DUSP8: variants seen among roughly 807,000 people sequenced by gnomAD.
DUSP8 encodes the protein dual specificity protein phosphatase 8.
A neutral mutation model predicts 38.7 loss-of-function variants in DUSP8; 15 were observed. The observed-to-expected ratio is 0.39, with a 90% CI of 0.26 to 0.60. DUSP8 has a LOEUF of 0.60. Ranked by LOEUF, DUSP8 falls within the 20% of genes least tolerant of loss-of-function variation. The pLI, the probability that DUSP8 is intolerant of heterozygous loss-of-function variation, is 0.56. For synonymous variants in DUSP8, 458 were observed against 433.9 expected (o/e 1.06, Z -0.69); for missense variants, 768 against 915.0 (o/e 0.84, Z 2.07).
rs761093765 is a variant in DUSP8 at position 1,559,813 on chromosome 11, G to A, written c.371-758C>T. On this transcript the variant is annotated intron_variant, in intron 3 of 6. Transcript: ENST00000397374. ...CTGCCTTCCACACACGTCCAAGTCC[G>A]AGGCCACAGGCTGGTGGGAGGAAGT... Among the ~76,000 whole-genome samples, 5 of 152,314 alleles carry A rather than the reference G, an allele frequency of 3.3e-5. No homozygotes were observed. In the East Asian group the frequency reaches 7.7e-4, roughly 24 times the overall value.
rs766390780 is a variant in DUSP8, at chr11:1,556,593, C to T, written c.1803G>A (p.Ala601=). ...EFEEGMVEGR[A]RGEELAALGK... is the part of the protein sequence containing the mutation. ...CCAGGGCGGCCAGCTCCTCGCCGCG[C>T]GCGCGCCCCTCCACCATGCCCTCCT... is the stretch of plus-strand genomic sequence containing the variant. Residue 601 remains alanine (A), a synonymous_variant, in exon 7 of 7, where the codon GCG becomes GCA. Coordinates refer to ENST00000397374, the MANE Select transcript of DUSP8 (RefSeq NM_004420.3). The surrounding 1 kb of genome is among the most constrained non-coding windows in gnomAD (Gnocchi z 5.2). 39 of 1,435,850 alleles carry T rather than the reference C, an allele frequency of 2.7e-5. 1 individual carries two copies. The highest frequency in any genetic ancestry group is 2.5e-4 in the Middle Eastern group (1 of 3,970). 88.9% of individuals were successfully genotyped at this position (1,435,850 alleles called of 1,614,324 possible).
In DUSP8 at chr11:1,557,106, C is replaced by T. The variant is rs1275785634; in HGVS notation, c.1290G>A (p.Gly430=). ...PKLCKLDSPS[G]AALGLSSPSP... ...TGGGCGAGGACAGGCCCAGCGCGGC[C>T]CCCGACGGGCTGTCCAGCTTGCAGA... The change falls in exon 7 of 7, where the codon GGG becomes GGA. Residue 430 remains glycine, a synonymous_variant. Transcript: ENST00000397374. This position sits in a 1 kb window ranked among gnomAD's most constrained non-coding sequence, Gnocchi z 9.9. 36 of 1,370,000 alleles carry T rather than the reference C, an allele frequency of 2.6e-5. No individual in the cohort carries two copies. Among genetic ancestry groups the T allele is most frequent in the Non-Finnish European group, 3.1e-5 (33 of 1,070,364 alleles). The allele number at this position is 1,370,000 out of a possible 1,614,324, so 84.9% of individuals were successfully genotyped here. A position where few individuals can be genotyped will look rare whatever the true frequency, so the allele number is the denominator to read the frequency against.
intron 1 of DUSP8, among the ~76,000 whole-genome samples, chr11:1,566,693 T>A (rs542722751): frequency 3.3e-5 from 5 of 152,246 alleles, no homozygotes; most frequent in African/African-American, 1.2e-4. Flanking sequence ...GCCTCTCCCC[T>A]AGCGGAGCCT....
intron 3 of DUSP8, among the ~76,000 whole-genome samples, chr11:1,563,567 T>G (rs1461001750): frequency 1.3e-5 from 2 of 152,106 alleles, no homozygotes; most frequent in African/African-American, 4.8e-5. Flanking sequence ...GCCTCCGGCT[T>G]CTGACAGGAG....
At position 1,555,291 on chromosome 11, in the gene DUSP8, G is replaced by A. The variant is rs1480516130; in HGVS notation, c.*1227C>T. ...GTGAATGGGAGTTTCTCTCCTGAGC[G>A]GCCCCATGGGGGTGGGGGCAAACGA... On this transcript the variant is annotated 3_prime_UTR_variant, in exon 7 of 7. Coordinates refer to ENST00000397374, the MANE Select transcript of DUSP8 (RefSeq NM_004420.3). 1.1e-5 allele frequency: 11 copies of A among 987,698 alleles called. No individual in the cohort carries two copies. In the Admixed American group the frequency reaches 2.5e-4, roughly 22 times the overall value. The allele number at this position is 987,698 out of a possible 1,614,324, so 61.2% of individuals were successfully genotyped here.
Position 1,557,239 on chromosome 11 carries a change from T to G in DUSP8, c.1157A>C (p.Asp386Ala). 6.7e-7 allele frequency: 1 copy of G among 1,495,266 alleles called. No homozygotes were observed. Among genetic ancestry groups the G allele is most frequent in the South Asian group, 1.3e-5 (1 of 79,848 alleles). The allele number at this position is 1,495,266 out of a possible 1,614,324, so 92.6% of individuals were successfully genotyped here. Residue 386 changes from aspartate to alanine, a missense_variant, in exon 7 of 7, where the codon GAC (aspartate) becomes GCC (alanine). Physicochemically the swap from Asp to Ala is moderately radical, Grantham distance 126. Around this residue, in one of 3 missense-constraint regions of DUSP8, gnomAD observed 474 missense variants for 430.8 expected, o/e 1.10. Coordinates refer to ENST00000397374, the MANE Select transcript of DUSP8 (RefSeq NM_004420.3). The surrounding 1 kb of genome is among the most constrained non-coding windows in gnomAD (Gnocchi z 9.9). ...GAAGGAGCGCTTGAGGCGGTTAGTG[T>G]CCTGCAGGCGGTCCGAGGAGAGGTG... ...GLHLSSDRLQ[D>A]TNRLKRSFSL...
intron 3 of DUSP8, among the ~76,000 whole-genome samples, chr11:1,561,773 T>C (rs920080037): frequency 9.2e-5 from 14 of 152,226 alleles, no homozygotes; most frequent in Non-Finnish European, 1.0e-4. Context: ...CGCGGGATCC[T>C]GGAACATCCC....
At chr11:1,570,109 G>A (rs1848864851) in intron 1 of DUSP8, among the ~76,000 whole-genome samples, 1 of 152,122 alleles carries the variant, frequency 6.6e-6, no homozygotes, top group South Asian at 2.1e-4. Context: ...GGGGCGGGGG[G>A]CTCCCTCCGA....
Position 1,556,511 on chromosome 11 carries a change from G to A in DUSP8, c.*7C>T, listed in dbSNP as rs901873752. 2.4e-6 allele frequency: 3 copies of A among 1,238,096 alleles called. No individual in the cohort carries two copies. Among genetic ancestry groups the A allele is most frequent in the Non-Finnish European group, 3.0e-6 (3 of 990,506 alleles). 76.7% of individuals were successfully genotyped at this position (1,238,096 alleles called of 1,614,324 possible). On this transcript the variant is annotated 3_prime_UTR_variant, in exon 7 of 7. Coordinates refer to ENST00000397374, the MANE Select transcript of DUSP8 (RefSeq NM_004420.3). The surrounding 1 kb of genome is among the most constrained non-coding windows in gnomAD (Gnocchi z 5.2). ...TGCGGGCGGCGGGGCCGAGGGCAGC[G>A]GAGGGGTCAGGACACCTCGATGACC...
intron 1 of DUSP8, among the ~76,000 whole-genome samples, chr11:1,570,173 G>T (rs1848865820): frequency 6.6e-6 from 1 of 152,182 alleles, no homozygotes; most frequent in Non-Finnish European, 1.5e-5. Flanking sequence ...GGCACAAGGG[G>T]CCGTGACAGT....
At chr11:1,565,115 G>C (rs1425725346) in intron 2 of DUSP8, among the ~76,000 whole-genome samples, 1 of 152,192 alleles carries the variant, frequency 6.6e-6, no homozygotes, top group Non-Finnish European at 1.5e-5. Flanking sequence ...GCTGTGGGAC[G>C]GGGACATGGA....
rs1848791778 is a variant in DUSP8, at chr11:1,565,728, G to A, written c.99C>T (p.Arg33=). 4.3e-6 allele frequency: 7 copies of A among 1,611,910 alleles called. No homozygotes were observed. The highest frequency in any genetic ancestry group is 5.9e-6 in the Non-Finnish European group (7 of 1,179,672). ...GPGGPLVIDS[R]SFVEYNSWHV... Reference sequence around the variant, plus strand: ...GCCAGCTGTTGTACTCCACGAAGGAGCGGCTGTCGATGACCAGCGGCCCCC... The same window carrying A: ...GCCAGCTGTTGTACTCCACGAAGGAACGGCTGTCGATGACCAGCGGCCCCC... Residue 33 remains arginine, a synonymous_variant, in exon 2 of 7, where the codon CGC becomes CGT. Transcript: ENST00000397374.
In DUSP8 at chr11:1,557,950, G is replaced by T; in HGVS notation, c.698-33C>A. 6.2e-7 allele frequency: 1 copy of T among 1,613,486 alleles called. No individual in the cohort carries two copies. The highest frequency in any genetic ancestry group is 8.5e-7 in the Non-Finnish European group (1 of 1,179,934). ...GGTGGGCCATGGGGGCCAGGTGAGG[G>T]CTAAGACTGCACAGCTTCTCCCTGG... On this transcript the variant is annotated intron_variant, in intron 5 of 6. Coordinates refer to ENST00000397374, the MANE Select transcript of DUSP8 (RefSeq NM_004420.3). The surrounding 1 kb of genome is among the most constrained non-coding windows in gnomAD (Gnocchi z 9.9).
chr11:1,556,987 T>TGCGCGGGGGAGC lies in DUSP8; in HGVS notation c.1397_1408dup (p.Arg466_Ala469dup), dbSNP rs969632915. ...ATCGCCGAAGTTCAGGCCGAGGCTG[T>TGCGCGGGGGAGC]GCGCGGGGGAGCGCGCGGGGGAGCC... On this transcript the variant is annotated inframe_insertion, in exon 7 of 7. Transcript: ENST00000397374. This position sits in a 1 kb window ranked among gnomAD's most constrained non-coding sequence, Gnocchi z 5.2. 46 of 1,027,110 alleles carry TGCGCGGGGGAGC rather than the reference T, an allele frequency of 4.5e-5. No homozygotes were observed. In the East Asian group the frequency reaches 1.6e-3, roughly 35 times the overall value. The allele number at this position is 1,027,110 out of a possible 1,614,324, so 63.6% of individuals were successfully genotyped here.
chr11:1,561,929 T>C (rs1363854191), intron 3 of DUSP8, among the ~76,000 whole-genome samples: 3 of 152,230 alleles, frequency 2.0e-5, no homozygotes, highest in Non-Finnish European at 4.4e-5. Flanking sequence ...TGGGCCTGCC[T>C]GGGTGTCGCC....
chr11:1,570,703 G>C (rs1237412091), intron 1 of DUSP8, among the ~76,000 whole-genome samples: 1 of 152,184 alleles, frequency 6.6e-6, no homozygotes, highest in African/African-American at 2.4e-5. Context: ...CTTCCAGCTG[G>C]GGTCACATGA....
Position 1,565,817 on chromosome 11 carries a change from C to T in DUSP8, c.10G>A (p.Asp4Asn). Reference protein sequence around the residue: MAGDRLPRKVMDAK... With the variant: MAGNRLPRKVMDAK... The stretch of plus-strand genomic sequence containing the variant: ...TCCATCACCTTCCTCGGGAGCCGGT[C>T]CCCAGCCATGGTGGGGCAATGGGTG... The change falls in exon 2 of 7, where the codon GAC (aspartate) becomes AAC (asparagine). Residue 4 changes from aspartate to asparagine, a missense_variant. Asp to Asn is a conservative substitution (Grantham distance 23). Transcript: ENST00000397374. 1.2e-6 allele frequency: 2 copies of T among 1,605,556 alleles called. No homozygotes were observed. The highest frequency in any genetic ancestry group is 2.2e-5 in the South Asian group (2 of 90,900).
At chr11:1,570,623 TG>T (rs2133452551) in intron 1 of DUSP8, among the ~76,000 whole-genome samples, 1 of 115,174 alleles carries the variant, frequency 8.7e-6, no homozygotes, top group East Asian at 2.3e-4. Context: ...GAATAGAACC[TG>T]CCCAGCCACA....
chr11:1,557,085 C>A lies in DUSP8; in HGVS notation c.1311G>T (p.Ser437=). 8 of 1,307,514 alleles carry A rather than the reference C, an allele frequency of 6.1e-6. No individual in the cohort carries two copies. Among genetic ancestry groups the A allele is most frequent in the Non-Finnish European group, 7.8e-6 (8 of 1,032,048 alleles). The allele number at this position is 1,307,514 out of a possible 1,614,324, so 81.0% of individuals were successfully genotyped here. ...SPSGAALGLS[S]PSPDSPDAAP... ...CGGCGTCCGGGCTGTCCGGGCTGGG[C>A]GAGGACAGGCCCAGCGCGGCCCCCG... Residue 437 remains serine, a synonymous_variant, in exon 7 of 7, where the codon TCG becomes TCT. Coordinates refer to ENST00000397374, the MANE Select transcript of DUSP8 (RefSeq NM_004420.3). This position sits in a 1 kb window ranked among gnomAD's most constrained non-coding sequence, Gnocchi z 9.9.
Sources: gnomAD v4.1 joint callset for allele counts (sites outside exome capture counted in the v4.1 genomes callset) on GRCh38, gnomAD v4.1.1 for gene constraint, gnomAD v4.1.1 regional missense constraint, Gnocchi (gnomAD v3.1) non-coding constraint, MANE v1.5 for transcripts, NCBI Gene and HGNC (gene_info 2026-07-23, HGNC 2026-07-21) for gene names.